CNTNAP5: variants seen among roughly 807,000 people sequenced by gnomAD.
CNTNAP5 encodes contactin-associated protein-like 5.
In CNTNAP5, 72 loss-of-function variants were observed where a neutral mutation model predicts 150.2. The ratio of observed to expected loss-of-function variants is 0.48; its 90% CI spans 0.40 to 0.58. The LOEUF (loss-of-function observed/expected upper bound fraction) is 0.58. Ranked by LOEUF, CNTNAP5 falls within the 20% of genes least tolerant of loss-of-function variation. The pLI is 0.00. For missense variants in CNTNAP5, 1,636 were observed against 1,626.2 expected (o/e 1.01, Z -0.10); for synonymous variants, 672 against 619.8 (o/e 1.08, Z -1.25).
intron 1 of CNTNAP5, among the ~76,000 whole-genome samples, chr2:124,122,759 GAC>G (rs66540981): frequency 0.15 from 19,753 of 127,570 alleles, 1,334 homozygotes; most frequent in African/African-American, 0.21. Flanking sequence ...GGTGGTAAAA[GAC>G]ACACACACAC....
chr2:124,706,748 A>AGAAGAAGAAGAAGAG (rs1679647947), intron 13 of CNTNAP5, among the ~76,000 whole-genome samples: 2 of 17,580 alleles, frequency 1.1e-4, no homozygotes, highest in Non-Finnish European at 2.2e-4. Context: ...CTCTGTTTCA[A>AGAAGAAGAAGAAGAG]GAAGAAGAAG....
chr2:124,881,374 AG>A (rs1677961071), intron 21 of CNTNAP5, among the ~76,000 whole-genome samples: 1 of 152,052 alleles, frequency 6.6e-6, no homozygotes, highest in Admixed American at 6.5e-5. Context: ...CAGAGTACCC[AG>A]GGAAGGAATG....
intron 21 of CNTNAP5, among the ~76,000 whole-genome samples, chr2:124,892,234 T>C (rs1304761468): frequency 6.6e-6 from 1 of 152,194 alleles, no homozygotes; most frequent in Non-Finnish European, 1.5e-5. Context: ...GTTTTTGTAC[T>C]TTCTGGAATC....
At chr2:124,376,428 A>T (rs890177269) in intron 3 of CNTNAP5, among the ~76,000 whole-genome samples, 2 of 152,078 alleles carry the variant, frequency 1.3e-5, no homozygotes, top group African/African-American at 4.8e-5. Flanking sequence ...GGGTAAGTGG[A>T]GGTATTCAGG....
intron 6 of CNTNAP5, among the ~76,000 whole-genome samples, chr2:124,451,079 C>CACACACACAT (rs1553469351): frequency 2.1e-5 from 2 of 94,934 alleles, no homozygotes; most frequent in African/African-American, 8.9e-5. Flanking sequence ...TATATATATA[C>CACACACACAT]ACACACACAC....
At chr2:124,261,777 C>T (rs923997438) in intron 3 of CNTNAP5, among the ~76,000 whole-genome samples, 36 of 152,156 alleles carry the variant, frequency 2.4e-4, no homozygotes, top group African/African-American at 8.2e-4. Context: ...GGTACCAGTC[C>T]TCCTGCTCTT....
chr2:124,350,990 T>C (rs1689864791), intron 3 of CNTNAP5, among the ~76,000 whole-genome samples: 1 of 104,944 alleles, frequency 9.5e-6, no homozygotes, highest in Non-Finnish European at 2.0e-5. Flanking sequence ...TTTCTATTTT[T>C]CCAAAGAACT....
intron 17 of CNTNAP5, among the ~76,000 whole-genome samples, chr2:124,779,808 A>G (rs1681408921): frequency 6.6e-6 from 1 of 152,136 alleles, no homozygotes; most frequent in Non-Finnish European, 1.5e-5. Flanking sequence ...TTGATGAGTC[A>G]GATGAACTAT....
chr2:124,716,830 C>T (rs116107482), intron 13 of CNTNAP5, among the ~76,000 whole-genome samples: 6,584 of 152,076 alleles, frequency 0.043, 507 homozygotes, highest in African/African-American at 0.15. Flanking sequence ...GCTGTTGTTC[C>T]CTTTGCAGTT....
At chr2:124,622,210 A>C (rs1677632213) in intron 12 of CNTNAP5, among the ~76,000 whole-genome samples, 1 of 151,760 alleles carries the variant, frequency 6.6e-6, no homozygotes, top group Non-Finnish European at 1.5e-5. Context: ...TGTAGATGAG[A>C]ACATGTGGTG....
intron 5 of CNTNAP5, among the ~76,000 whole-genome samples, chr2:124,436,080 C>T (rs1392797819): frequency 1.3e-5 from 2 of 152,102 alleles, no homozygotes; most frequent in East Asian, 1.9e-4. Context: ...TTTCAGTTTT[C>T]CAGAAAGGAG....
At chr2:124,614,048 G>A (rs145191755) in intron 12 of CNTNAP5, among the ~76,000 whole-genome samples, 4 of 152,292 alleles carry the variant, frequency 2.6e-5, no homozygotes, top group Admixed American at 1.3e-4. Flanking sequence ...ACACACACTT[G>A]TCAGACTTTT....
At chr2:124,598,061 G>C (rs1052213440) in intron 11 of CNTNAP5, among the ~76,000 whole-genome samples, 3 of 52,596 alleles carry the variant, frequency 5.7e-5, no homozygotes, top group African/African-American at 2.0e-4. Context: ...TTTTTTCAAA[G>C]TTTTCAGCTT....
At chr2:124,683,870 A>C (rs1679126007) in intron 13 of CNTNAP5, among the ~76,000 whole-genome samples, 1 of 152,210 alleles carries the variant, frequency 6.6e-6, no homozygotes, top group South Asian at 2.1e-4. Flanking sequence ...TAATCATTTT[A>C]CTTTATTGAC....
chr2:124,520,239 A>ATTTGC (rs1694821276), intron 8 of CNTNAP5, among the ~76,000 whole-genome samples: 1 of 152,210 alleles, frequency 6.6e-6, no homozygotes, highest in African/African-American at 2.4e-5. Context: ...AATAAACCAT[A>ATTTGC]TTTGCTTTAG....
chr2:124,204,615 GA>G (rs1313573180), intron 1 of CNTNAP5, among the ~76,000 whole-genome samples: 5 of 152,176 alleles, frequency 3.3e-5, no homozygotes, highest in African/African-American at 9.7e-5. Flanking sequence ...CATATGGCTG[GA>G]AAGGCCTCAC....
In CNTNAP5 at chr2:124,597,987, A is replaced by T. The variant is rs1696872139; in HGVS notation, c.1757-11814A>T. Among the ~76,000 whole-genome samples the T allele has an allele frequency of 1.7e-5, 2 of 115,156 alleles. 1 individual carries two copies. The highest frequency in any genetic ancestry group is 3.6e-5 in the Non-Finnish European group (2 of 55,740). The allele number at this position is 115,156 out of a possible 152,430, so 75.5% of individuals were successfully genotyped here. ...ACTTAGTTCTCGAGCCTTGGGTTTC[A>T]GCTCCATCAGCTCCTTTAAGCACTT... On this transcript the variant is annotated intron_variant, in intron 11 of 23. Coordinates refer to ENST00000682447, the MANE Select transcript of CNTNAP5 (RefSeq NM_001367498.1).
intron 1 of CNTNAP5, among the ~76,000 whole-genome samples, chr2:124,183,846 T>C (rs1281559665): frequency 6.6e-6 from 1 of 152,140 alleles, no homozygotes; most frequent in Non-Finnish European, 1.5e-5. Context: ...GGAAGATAAG[T>C]AGGTAATTAC....
intron 12 of CNTNAP5, among the ~76,000 whole-genome samples, chr2:124,624,580 A>T (rs891275087): frequency 6.6e-6 from 1 of 152,242 alleles, no homozygotes; most frequent in South Asian, 2.1e-4. Flanking sequence ...AAATTAAGTA[A>T]TTCAAATAAA....
Sources: gnomAD v4.1 joint callset for allele counts (sites outside exome capture counted in the v4.1 genomes callset) on GRCh38, gnomAD v4.1.1 for gene constraint, MANE v1.5 for transcripts, NCBI Gene and HGNC (gene_info 2026-07-23, HGNC 2026-07-21) for gene names.